The following TAF1 variants were observed in gnomAD, a reference collection of about 807,000 sequenced individuals.
The protein encoded by TAF1 is TATA-box binding protein associated factor 1.
Under a neutral mutation model 138.5 loss-of-function variants are expected in TAF1, and 2 were observed. The observed-to-expected ratio is 0.01, with a 90% CI of 0.01 to 0.05. TAF1 has a LOEUF of 0.05. Ranked by LOEUF, TAF1 falls within the 10% of genes least tolerant of loss-of-function variation. TAF1 has a pLI of 1.00. For missense variants in TAF1, 709 were observed against 1,478.0 expected (o/e 0.48, Z 8.53); for synonymous variants, 437 against 503.2 (o/e 0.87, Z 1.76).
chrX:71,416,385 C>G (rs2036012960), intron 28 of TAF1, among the ~76,000 whole-genome samples: 1 of 106,395 alleles, frequency 9.4e-6, no homozygotes, highest in Non-Finnish European at 1.9e-5. Context: ...GACCCTGTCT[C>G]AAAAAGAAAA....
chrX:71,399,548 G>T (rs1439844154), intron 24 of TAF1, among the ~76,000 whole-genome samples: 1 of 93,896 alleles, frequency 1.1e-5, no homozygotes, highest in East Asian at 3.5e-4. Flanking sequence ...AAGCCACCAC[G>T]CCTGGCTTGT....
chrX:71,406,861 TTGTAC>T (rs1490506021), intron 26 of TAF1, 115 bp downstream of exon 26: 2 of 520,114 alleles, frequency 3.8e-6, no homozygotes, highest in African/African-American at 4.8e-5. Context: ...TGAGAATTAT[TTGTAC>T]TGTTCATTAT....
chrX:71,411,761 T>A (rs1485564413), intron 28 of TAF1, among the ~76,000 whole-genome samples: 1 of 112,110 alleles, frequency 8.9e-6, no homozygotes, highest in Non-Finnish European at 1.9e-5. Context: ...GGTTTTTTGT[T>A]TGTTTGTTTG....
chrX:71,381,590 T>C (rs924282291), intron 8 of TAF1, among the ~76,000 whole-genome samples, 153 bp from the exon 9 acceptor site: 1 of 112,557 alleles, frequency 8.9e-6, no homozygotes, highest in African/African-American at 3.2e-5. Context: ...AAGTGAGAAA[T>C]ACACTGTGTA....
chrX:71,420,196 G>A lies in TAF1; in HGVS notation c.4385-1113G>A, dbSNP rs753654077. 2.0e-5 allele frequency: 12 copies of A among 588,685 alleles called. No individual in the cohort carries two copies. In the African/African-American group the frequency reaches 2.2e-4, roughly 11 times the overall value. 48.5% of individuals were successfully genotyped at this position (588,685 alleles called of 1,213,427 possible). On this transcript the variant is annotated intron_variant, in intron 28 of 37. Coordinates refer to ENST00000423759, the MANE Select transcript of TAF1 (RefSeq NM_004606.5). ...AGGGAACTGCTGTAGTTGGTGGTCC[G>A]GGCATGGTAGCGGGCTCCTGGAAAA...
intron 13 of TAF1, among the ~76,000 whole-genome samples, chrX:71,504,920 A>T (rs2039596338): frequency 9.2e-6 from 1 of 108,808 alleles, no homozygotes; most frequent in Admixed American, 1.0e-4. Flanking sequence ...GCTTGAGCTC[A>T]GGAGTTTGAG....
At chrX:71,437,450 A>G (rs919575367) in intron 32 of TAF1, among the ~76,000 whole-genome samples, 2 of 109,379 alleles carry the variant, frequency 1.8e-5, no homozygotes, top group Non-Finnish European at 3.8e-5. Flanking sequence ...GGCTCACAAC[A>G]GTAATCCCAG....
chrX:71,526,094 A>G (rs946240562), intron 13 of TAF1, among the ~76,000 whole-genome samples: 3 of 111,956 alleles, frequency 2.7e-5, no homozygotes, highest in Non-Finnish European at 5.6e-5. Flanking sequence ...TAGTGACTAC[A>G]TTAAAGAAAA....
intron 14 of TAF1, among the ~76,000 whole-genome samples, chrX:71,385,505 G>A (rs1569286638): frequency 1.8e-5 from 2 of 110,780 alleles, no homozygotes; most frequent in Non-Finnish European, 3.8e-5. Flanking sequence ...TCTAATGGGT[G>A]TAAAGAGGCT....
chrX:71,483,289 A>G (rs748643210), intron 13 of TAF1, among the ~76,000 whole-genome samples: 50 of 108,169 alleles, frequency 4.6e-4, no homozygotes, highest in Non-Finnish European at 9.2e-4. Context: ...CGCCTGGCCA[A>G]GAAACCACTT....
intron 20 of TAF1, 32 bp downstream of exon 20, chrX:71,393,026 C>CTAA (rs748038375): frequency 8.3e-7 from 1 of 1,203,785 alleles, no homozygotes; most frequent in Admixed American, 2.2e-5. Flanking sequence ...TTAGAGTATA[C>CTAA]TAGGGGCTTT....
intron 13 of TAF1, among the ~76,000 whole-genome samples, chrX:71,495,494 C>T (rs1323455990): frequency 9.0e-6 from 1 of 111,501 alleles, no homozygotes; most frequent in African/African-American, 3.3e-5. Context: ...CCCGTAAACG[C>T]CAGGCAGCAT....
At chrX:71,459,465 C>T (rs370297040) in intron 35 of TAF1, 87 bp from the exon 36 acceptor site, 24 of 344,310 alleles carry the variant, frequency 7.0e-5, no homozygotes, top group East Asian at 4.7e-4. Flanking sequence ...ATGGGCGGGG[C>T]GGGGAGGGGG....
At chrX:71,434,504 C>T (rs745705074) in intron 32 of TAF1, among the ~76,000 whole-genome samples, 3 of 111,583 alleles carry the variant, frequency 2.7e-5, no homozygotes, top group South Asian at 3.7e-4. Flanking sequence ...ATATTTAGCC[C>T]GTGAACTATA....
At chrX:71,491,774 GC>G (rs1379961962) in intron 13 of TAF1, 1 of 105,411 alleles carries the variant, frequency 9.5e-6, no homozygotes, top group Non-Finnish European at 1.9e-5. Context: ...CCATTCTCCT[GC>G]CTCAGCCTCC....
intron 29 of TAF1, among the ~76,000 whole-genome samples, chrX:71,421,965 A>G (rs768240173): frequency 1.8e-5 from 2 of 112,211 alleles, no homozygotes; most frequent in African/African-American, 6.5e-5. Flanking sequence ...CGATGTCACT[A>G]CATACCCACT....
intron 37 of TAF1, among the ~76,000 whole-genome samples, chrX:71,462,881 C>T (rs1247848596): frequency 8.9e-6 from 1 of 111,785 alleles, no homozygotes; most frequent in Non-Finnish European, 1.9e-5. Flanking sequence ...ATTAACACAC[C>T]ATCAAGATGT....
At chrX:71,448,826 T>C (rs888099771) in intron 32 of TAF1, among the ~76,000 whole-genome samples, 27 of 106,926 alleles carry the variant, frequency 2.5e-4, no homozygotes, top group Non-Finnish European at 4.8e-4. Context: ...TTTTCTTTTT[T>C]TTTTTTTTTG....
At chrX:71,432,908 A>C (rs1442961490) in intron 32 of TAF1, among the ~76,000 whole-genome samples, 1 of 112,179 alleles carries the variant, frequency 8.9e-6, no homozygotes, top group Non-Finnish European at 1.9e-5. Context: ...TCCCCTCTCC[A>C]ATCTTCAAGT....
Sources: allele counts gnomAD v4.1 joint callset (sites outside exome capture counted in the v4.1 genomes callset), GRCh38; gene constraint gnomAD v4.1.1; transcripts MANE v1.5; gene names NCBI Gene and HGNC (gene_info 2026-07-23, HGNC 2026-07-21).